REDIC1: variants seen among roughly 807,000 people sequenced by gnomAD.
The protein encoded by REDIC1 is HEI10 Interacting Protein 1.
the REDIC1 span, among the ~76,000 whole-genome samples, chr12:39,896,673 T>C: frequency 6.6e-4 from 101 of 151,930 alleles, no homozygotes; most frequent in Non-Finnish European, 1.3e-3. Context: ...GAAGTTTAAA[T>C]ATTAATATCC....
chr12:39,846,548 C>T, the REDIC1 span, among the ~76,000 whole-genome samples: 1 of 152,146 alleles, frequency 6.6e-6, no homozygotes, highest in East Asian at 1.9e-4. Context: ...GCCTTCCAGG[C>T]TCAAGTGTTC....
At chr12:39,879,285 C>T in the REDIC1 span, among the ~76,000 whole-genome samples, 3 of 152,172 alleles carry the variant, frequency 2.0e-5, no homozygotes, top group African/African-American at 7.2e-5. Context: ...GACAGAGTCC[C>T]CTATTGCCTA....
chr12:39,654,647 C>T, the REDIC1 span, among the ~76,000 whole-genome samples: 1 of 150,328 alleles, frequency 6.7e-6, no homozygotes, highest in Non-Finnish European at 1.5e-5. Flanking sequence ...ATTTGGTTTG[C>T]TAATATTTTA....
chr12:39,892,805 T>C, the REDIC1 span, among the ~76,000 whole-genome samples: 1 of 152,280 alleles, frequency 6.6e-6, no homozygotes, highest in East Asian at 1.9e-4. Flanking sequence ...AATGAGGATA[T>C]TGACAGAAGA....
the REDIC1 span, among the ~76,000 whole-genome samples, chr12:39,816,662 A>T: frequency 6.6e-6 from 1 of 151,988 alleles, no homozygotes; most frequent in African/African-American, 2.4e-5. Flanking sequence ...ATTTTAGGGT[A>T]TAAAGGAAAA....
chr12:39,872,022 T>G, the REDIC1 span: 5 of 1,389,894 alleles, frequency 3.6e-6, no homozygotes, highest in African/African-American at 5.9e-5. Context: ...AGGGTTATTT[T>G]GATAGAAAAA....
At chr12:39,749,991 C>T in the REDIC1 span, among the ~76,000 whole-genome samples, 1 of 152,130 alleles carries the variant, frequency 6.6e-6, no homozygotes, top group African/African-American at 2.4e-5. Flanking sequence ...GGAAGCATTC[C>T]CTTTGAAACC....
At chr12:39,770,502 A>G in the REDIC1 span, among the ~76,000 whole-genome samples, 2 of 152,184 alleles carry the variant, frequency 1.3e-5, no homozygotes, top group Non-Finnish European at 1.5e-5. Context: ...TGAACAAAAT[A>G]CCAACCAGTG....
chr12:39,833,461 C>G, the REDIC1 span, among the ~76,000 whole-genome samples: 1 of 152,072 alleles, frequency 6.6e-6, no homozygotes, highest in South Asian at 2.1e-4. Flanking sequence ...CTGCTTCCCT[C>G]TCTATGGAAC....
the REDIC1 span, among the ~76,000 whole-genome samples, chr12:39,788,187 C>G: frequency 3.9e-5 from 6 of 152,062 alleles, no homozygotes; most frequent in Non-Finnish European, 7.4e-5. Context: ...CCTATAGATG[C>G]TGTGTCATTT....
chr12:39,716,937 A>T, the REDIC1 span: 1 of 706,088 alleles, frequency 1.4e-6, no homozygotes, highest in Non-Finnish European at 2.0e-6. Context: ...TGAGTCAATT[A>T]AATAGTGGAA....
the REDIC1 span, among the ~76,000 whole-genome samples, chr12:39,686,659 G>A: frequency 1.3e-5 from 2 of 150,182 alleles, no homozygotes; most frequent in South Asian, 2.1e-4. Context: ...CACTTAGCTC[G>A]TTTTTTACTT....
chr12:39,768,394 T>C, the REDIC1 span, among the ~76,000 whole-genome samples: 1 of 152,146 alleles, frequency 6.6e-6, no homozygotes, highest in East Asian at 1.9e-4. Flanking sequence ...AATTTTCTTT[T>C]GTAGTCACAA....
the REDIC1 span, among the ~76,000 whole-genome samples, chr12:39,681,374 C>T: frequency 6.6e-6 from 1 of 152,172 alleles, no homozygotes; most frequent in Non-Finnish European, 1.5e-5. Context: ...ACAGTGTACA[C>T]TGCTTGGGTA....
the REDIC1 span, among the ~76,000 whole-genome samples, chr12:39,638,343 T>A: frequency 6.6e-6 from 1 of 151,714 alleles, no homozygotes; most frequent in Non-Finnish European, 1.5e-5. Context: ...TGTCCAGGAG[T>A]GGAAATGGTA....
chr12:39,661,504 G>GT, the REDIC1 span, among the ~76,000 whole-genome samples: 18 of 151,686 alleles, frequency 1.2e-4, no homozygotes, highest in East Asian at 1.4e-3. Context: ...CGGGTTGTTT[G>GT]TTTTTTTCCT....
chr12:39,792,522 C>T, the REDIC1 span, among the ~76,000 whole-genome samples: 29 of 152,232 alleles, frequency 1.9e-4, no homozygotes, highest in East Asian at 7.7e-4. Flanking sequence ...AAACATGTGA[C>T]TTGTGACTAC....
At chr12:39,683,217 T>C in the REDIC1 span, 1 of 1,375,006 alleles carries the variant, frequency 7.3e-7, no homozygotes, top group Non-Finnish European at 9.9e-7. Context: ...TGTATATTCA[T>C]ACACACACAT....
At chr12:39,804,591 G>A in the REDIC1 span, among the ~76,000 whole-genome samples, 1 of 152,020 alleles carries the variant, frequency 6.6e-6, no homozygotes, top group Admixed American at 6.6e-5. Flanking sequence ...AAAGGAAAGG[G>A]GACACAGATT....
Sources: allele counts gnomAD v4.1 joint callset (sites outside exome capture counted in the v4.1 genomes callset), GRCh38; gene constraint gnomAD v4.1.1; transcripts MANE v1.5; gene names NCBI Gene and HGNC (gene_info 2026-07-23, HGNC 2026-07-21).